The following ADAM9 variants were observed in gnomAD, a reference collection of about 807,000 sequenced individuals.
ADAM9 encodes disintegrin and metalloproteinase domain-containing protein 9.
A neutral mutation model predicts 108.1 loss-of-function variants in ADAM9; 54 were observed. That is an observed-to-expected ratio of 0.50 (90% CI 0.40 to 0.63). The LOEUF (loss-of-function observed/expected upper bound fraction) is 0.63. Among genes scored for constraint, ADAM9 ranks in the 20% least tolerant of loss-of-function variants. The probability of loss-of-function intolerance (pLI) is 0.00; values close to 1 mark genes in which losing one functional copy is unlikely to be tolerated. For missense variants in ADAM9, 830 were observed against 997.7 expected (o/e 0.83, Z 2.26); for synonymous variants, 316 against 336.0 (o/e 0.94, Z 0.65).
At position 39,026,792 on chromosome 8, in the gene ADAM9, T is replaced by A; in HGVS notation, c.1112T>A (p.Ile371Asn). 1 of 1,610,144 alleles carries A rather than the reference T, an allele frequency of 6.2e-7. No homozygotes were observed. The highest frequency in any genetic ancestry group is 1.7e-5 in the Admixed American group (1 of 59,392). Reference sequence around the variant, plus strand: ...TGTTCCTGTGGAGCAAAGAGCTGCATCATGAATTCAGGAGCATCGTGAGTA... The same window carrying A: ...TGTTCCTGTGGAGCAAAGAGCTGCAACATGAATTCAGGAGCATCGTGAGTA... ...RDCSCGAKSCIMNSGASGSRN... is the reference protein window; with the variant it reads ...RDCSCGAKSCNMNSGASGSRN... Residue 371 changes from isoleucine to asparagine, a missense_variant, in exon 11 of 22, where the codon ATC becomes AAC. By Grantham distance (149) the Ile-to-Asn change is moderately radical. Around this residue, in one of 3 missense-constraint regions of ADAM9, gnomAD observed 381 missense variants for 539.8 expected, o/e 0.71. Coordinates refer to ENST00000487273, the MANE Select transcript of ADAM9 (RefSeq NM_003816.3).
At chr8:39,015,077 A>G (rs1041719100) in intron 4 of ADAM9, 2 of 152,644 alleles carry the variant, frequency 1.3e-5, no homozygotes, top group African/African-American at 4.8e-5. Context: ...CAAAAGCAGT[A>G]ATGTTAAAAG....
intron 12 of ADAM9, among the ~76,000 whole-genome samples, chr8:39,049,798 C>G (rs1351775207): frequency 6.6e-6 from 1 of 152,122 alleles, no homozygotes; most frequent in Non-Finnish European, 1.5e-5. Flanking sequence ...GTGATTTACC[C>G]AGTACCATTA....
intron 12 of ADAM9, among the ~76,000 whole-genome samples, chr8:39,045,006 C>CTATGTATGTGTATGTGTGTGTGCATACA (rs1837589860): frequency 9.8e-6 from 1 of 102,436 alleles, no homozygotes; most frequent in Non-Finnish European, 2.0e-5. Flanking sequence ...GCACACATAC[C>CTATGTATGTGTATGTGTGTGTGCATACA]TATGTATGTG....
chr8:39,021,609 T>C, intron 7 of ADAM9, 34 bp from the exon 8 acceptor site: 1 of 1,578,288 alleles, frequency 6.3e-7, no homozygotes, highest in East Asian at 2.2e-5. Flanking sequence ...TAAAGTACTT[T>C]GGTGATAATG....
chr8:39,075,536 G>A (rs574248344), intron 15 of ADAM9, among the ~76,000 whole-genome samples: 19 of 152,232 alleles, frequency 1.2e-4, no homozygotes, highest in Admixed American at 1.0e-3. Context: ...CAGTGAATGA[G>A]CATCTCAGTT....
At chr8:39,090,821 T>C (rs1373540920) in intron 19 of ADAM9, among the ~76,000 whole-genome samples, 1 of 152,228 alleles carries the variant, frequency 6.6e-6, no homozygotes, top group African/African-American at 2.4e-5. Flanking sequence ...TTCATACATC[T>C]CCACTGCACT....
chr8:39,083,820 G>C (rs961087551), intron 18 of ADAM9, among the ~76,000 whole-genome samples: 22 of 152,126 alleles, frequency 1.4e-4, no homozygotes, highest in South Asian at 2.1e-4. Flanking sequence ...GACATCATAT[G>C]CTTTTTTTCT....
chr8:39,094,419 A>G lies in ADAM9; in HGVS notation c.2298+3073A>G, dbSNP rs1839440016. On this transcript the variant is annotated intron_variant, in intron 20 of 21. Coordinates refer to ENST00000487273, the MANE Select transcript of ADAM9 (RefSeq NM_003816.3). ...GGTGTCCTTGTCTGGCTTTGGTTTC[A>G]GGGTAATGCTGGCCTTGTAAAATGA... is the stretch of plus-strand genomic sequence containing the variant. 2.6e-5 allele frequency among the ~76,000 whole-genome samples: 4 copies of G among 152,148 alleles called. No homozygotes were observed. In the South Asian group the frequency reaches 6.2e-4, roughly 24 times the overall value.
chr8:39,066,452 C>A (rs1019886146), intron 14 of ADAM9, among the ~76,000 whole-genome samples: 5 of 152,164 alleles, frequency 3.3e-5, no homozygotes, highest in African/African-American at 1.2e-4. Flanking sequence ...TTCTAAATGG[C>A]GTGAGATGGT....
chr8:39,021,092 G>A (rs1836724602), intron 7 of ADAM9, among the ~76,000 whole-genome samples: 1 of 152,012 alleles, frequency 6.6e-6, no homozygotes, highest in African/African-American at 2.4e-5. Context: ...CTACTAATTT[G>A]GATAAAATGA....
Position 39,088,655 on chromosome 8 carries a change from CAAAA to C in ADAM9, c.2069-1391_2069-1388del, listed in dbSNP as rs1362525088. 3.3e-5 allele frequency among the ~76,000 whole-genome samples: 5 copies of C among 152,126 alleles called. No individual in the cohort carries two copies. In the East Asian group the frequency reaches 7.7e-4, roughly 23 times the overall value. On this transcript the variant is annotated intron_variant, in intron 18 of 21. Coordinates refer to ENST00000487273, the MANE Select transcript of ADAM9 (RefSeq NM_003816.3). ...CGTTTATATCTACTATATTGTTTCT[CAAAA>C]GAACACAGAACAGATAAAATACTTA...
At chr8:39,017,582 T>C (rs1237236928) in intron 6 of ADAM9, among the ~76,000 whole-genome samples, 168 bp downstream of exon 6, 1 of 152,152 alleles carries the variant, frequency 6.6e-6, no homozygotes, top group Non-Finnish European at 1.5e-5. Context: ...ATGAGCGATA[T>C]ATAGTTCCTG....
Position 39,026,720 on chromosome 8 carries a change from A to G in ADAM9, c.1040A>G (p.His347Arg). The G allele has an allele frequency of 6.2e-7, 1 of 1,614,202 alleles. No individual in the cohort carries two copies. Among genetic ancestry groups the G allele is most frequent in the Non-Finnish European group, 8.5e-7 (1 of 1,180,030 alleles). ...TVETFASIVAHELGHNLGMNH... is the reference protein window; with the variant it reads ...TVETFASIVARELGHNLGMNH... ...GAGACATTTGCTTCCATTGTTGCTC[A>G]TGAATTGGGTCATAATCTTGGAATG... Residue 347 changes from histidine to arginine, a missense_variant, in exon 11 of 22, where the codon CAT becomes CGT. By Grantham distance (29) the His-to-Arg change is conservative. Around this residue, in one of 3 missense-constraint regions of ADAM9, gnomAD observed 381 missense variants for 539.8 expected, o/e 0.71. Transcript: ENST00000487273.
intron 12 of ADAM9, among the ~76,000 whole-genome samples, chr8:39,051,044 C>G (rs1236628820): frequency 6.6e-6 from 1 of 151,994 alleles, no homozygotes; most frequent in East Asian, 1.9e-4. Flanking sequence ...GATGTGTGGT[C>G]CTCCTTTGGG....
intron 12 of ADAM9, among the ~76,000 whole-genome samples, chr8:39,045,318 CTA>C (rs1491302199): frequency 2.8e-5 from 4 of 143,454 alleles, no homozygotes; most frequent in East Asian, 2.1e-4. Context: ...GTGTGTACAC[CTA>C]TACATGTGTG....
chr8:39,037,050 CTTTTTTTTTTTT>C (rs58876607), intron 11 of ADAM9, among the ~76,000 whole-genome samples: 2 of 78,620 alleles, frequency 2.5e-5, no homozygotes, highest in East Asian at 8.3e-4. Flanking sequence ...TGCGCAAGTT[CTTTTTTTTTTTT>C]TTTTTTTTTT....
intron 20 of ADAM9, among the ~76,000 whole-genome samples, chr8:39,091,596 C>T (rs1029669953): frequency 6.6e-6 from 1 of 152,064 alleles, no homozygotes; most frequent in Non-Finnish European, 1.5e-5. Flanking sequence ...CAAATGATTT[C>T]GTGCCTCAGC....
At chr8:39,041,054 G>T (rs566434346) in intron 11 of ADAM9, among the ~76,000 whole-genome samples, 1 of 152,144 alleles carries the variant, frequency 6.6e-6, no homozygotes, top group South Asian at 2.1e-4. Flanking sequence ...ATGATTTTTG[G>T]ATATCACACC....
intron 12 of ADAM9, among the ~76,000 whole-genome samples, chr8:39,053,063 A>G (rs762897015): frequency 3.3e-5 from 5 of 152,008 alleles, no homozygotes; most frequent in Middle Eastern, 3.2e-3. Context: ...TGAGGTTTTA[A>G]TTTGCATTTC....
Sources: allele counts gnomAD v4.1 joint callset (sites outside exome capture counted in the v4.1 genomes callset), GRCh38; gene constraint gnomAD v4.1.1; regional missense constraint gnomAD v4.1.1; transcripts MANE v1.5; gene names NCBI Gene and HGNC (gene_info 2026-07-23, HGNC 2026-07-21).